Variants in PEX7 observed in about 807,000 individuals in gnomAD.
The protein encoded by PEX7 is PTS2 receptor.
Under a neutral mutation model 47.5 loss-of-function variants are expected in PEX7, and 34 were observed. The ratio of observed to expected loss-of-function variants is 0.72; its 90% CI spans 0.54 to 0.95. PEX7 has a LOEUF of 0.95. Among genes scored for constraint, PEX7 ranks in the 40% least tolerant of loss-of-function variants. PEX7 has a pLI of 0.00. For synonymous variants in PEX7, 141 were observed against 148.8 expected (o/e 0.95, Z 0.38); for missense variants, 394 against 400.3 (o/e 0.98, Z 0.13).
At chr6:136,837,095 T>G (rs1774399532) in intron 3 of PEX7, among the ~76,000 whole-genome samples, 1 of 152,106 alleles carries the variant, frequency 6.6e-6, no homozygotes, top group Non-Finnish European at 1.5e-5. Flanking sequence ...TTAGCCGCGC[T>G]TACGCCTGTA....
intron 3 of PEX7, among the ~76,000 whole-genome samples, chr6:136,829,223 A>G (rs1337272141): frequency 1.3e-5 from 2 of 152,246 alleles, no homozygotes; most frequent in Non-Finnish European, 2.9e-5. Flanking sequence ...CTGCTGTAAC[A>G]AAGTATTATA....
At chr6:136,882,579 C>T (rs1775396278) in intron 8 of PEX7, among the ~76,000 whole-genome samples, 1 of 151,800 alleles carries the variant, frequency 6.6e-6, no homozygotes. Flanking sequence ...TTGTGGGACT[C>T]AAGCACAAAT....
chr6:136,869,910 G>T lies in PEX7; in HGVS notation c.654G>T (p.Ala218=), dbSNP rs1414537422. The change falls in exon 7 of 10, where the codon GCG becomes GCT. Residue 218 remains alanine (A), a synonymous_variant. Coordinates refer to ENST00000318471, the MANE Select transcript of PEX7 (RefSeq NM_000288.4). ...KYNENLLVTG[A]VDCSLRGWDL... Reference sequence around the variant, plus strand: ...TTTAGAATTTGCTGGTGACCGGGGCGGTTGACTGTAGTTTGAGAGGCTGGG... The same window carrying T: ...TTTAGAATTTGCTGGTGACCGGGGCTGTTGACTGTAGTTTGAGAGGCTGGG... The T allele has an allele frequency of 2.5e-6, 4 of 1,613,910 alleles. No homozygotes were observed. Among genetic ancestry groups the T allele is most frequent in the Non-Finnish European group, 3.4e-6 (4 of 1,179,852 alleles).
intron 8 of PEX7, among the ~76,000 whole-genome samples, chr6:136,877,382 C>T (rs1252256739): frequency 1.3e-5 from 2 of 152,152 alleles, no homozygotes; most frequent in African/African-American, 4.8e-5. Context: ...GTCATGAAGT[C>T]TTTGCCCATG....
At chr6:136,857,630 T>A (rs1407359020) in intron 5 of PEX7, among the ~76,000 whole-genome samples, 4 of 152,194 alleles carry the variant, frequency 2.6e-5, no homozygotes, top group Non-Finnish European at 5.9e-5. Context: ...CTGCTTCAGA[T>A]CAAGTTCTAC....
intron 3 of PEX7, among the ~76,000 whole-genome samples, chr6:136,838,192 G>A (rs1012089999): frequency 6.6e-6 from 1 of 152,200 alleles, no homozygotes; most frequent in South Asian, 2.1e-4. Context: ...AACAATCTTA[G>A]GATCACTAAA....
Position 136,822,775 on chromosome 6 carries a change from C to T in PEX7, c.110C>T (p.Ala37Val). 6.9e-7 allele frequency: 1 copy of T among 1,440,972 alleles called. No homozygotes were observed. The highest frequency in any genetic ancestry group is 9.1e-7 in the Non-Finnish European group (1 of 1,102,728). 89.3% of individuals were successfully genotyped at this position (1,440,972 alleles called of 1,614,324 possible). A position where few individuals can be genotyped will look rare whatever the true frequency, so the allele number is the denominator to read the frequency against. Reference protein sequence around the residue: ...YLPGRLACATAQHYGIAGCGT... With the variant: ...YLPGRLACATVQHYGIAGCGT... ...CCGGGCCGCCTGGCCTGCGCCACCGCGCAGCACTACGGCATCGCGGGTGAG... is the reference window on the plus strand; with the variant it reads ...CCGGGCCGCCTGGCCTGCGCCACCGTGCAGCACTACGGCATCGCGGGTGAG... Residue 37 changes from alanine to valine, a missense_variant, in exon 1 of 10, where the codon GCG becomes GTG. Transcript: ENST00000318471.
At chr6:136,833,414 A>G (rs1220745916) in intron 3 of PEX7, among the ~76,000 whole-genome samples, 1 of 152,220 alleles carries the variant, frequency 6.6e-6, no homozygotes, top group Non-Finnish European at 1.5e-5. Flanking sequence ...AAAAATATTA[A>G]TGCAGAATGA....
chr6:136,898,271 T>G (rs1180945362), intron 9 of PEX7, 30 bp downstream of exon 9: 2 of 1,314,304 alleles, frequency 1.5e-6, no homozygotes, highest in Admixed American at 1.7e-5. Context: ...GATATTCTCT[T>G]CTGCCCAAGT....
rs759938254 is a variant in PEX7, at chr6:136,898,161, C to T, written c.823C>T (p.Pro275Ser). 2 of 1,609,762 alleles carry T rather than the reference C, an allele frequency of 1.2e-6. No homozygotes were observed. Among genetic ancestry groups the T allele is most frequent in the Admixed American group, 1.7e-5 (1 of 59,990 alleles). The change falls in exon 9 of 10, where the codon CCT becomes TCT. Residue 275 changes from proline to serine, a missense_variant. Transcript: ENST00000318471. ...FTVRFWNFSKPDSLLETVEHH... is the reference protein window; with the variant it reads ...FTVRFWNFSKSDSLLETVEHH... ...TCACAGATTCTGGAACTTTTCAAAG[C>T]CTGACTCTCTTCTTGAAACAGTGGA...
At position 136,900,716 on chromosome 6, in the gene PEX7, CCTT is replaced by C. The variant is rs1047463911; in HGVS notation, c.903+2484_903+2486del. 21 of 344,132 alleles carry C rather than the reference CCTT, an allele frequency of 6.1e-5. No homozygotes were observed. The highest frequency in any genetic ancestry group is 9.5e-5 in the South Asian group (4 of 42,080). 21.3% of individuals were successfully genotyped at this position (344,132 alleles called of 1,614,324 possible). A position where few individuals can be genotyped will look rare whatever the true frequency, so the allele number is the denominator to read the frequency against. ...TCATGTGCAGTCACCGCCAGCTGAG[CCTT>C]CTTCTTCTCCACCAAGGTGGTGACG... is the stretch of plus-strand genomic sequence containing the variant. On this transcript the variant is annotated intron_variant, in intron 9 of 9. Transcript: ENST00000318471. The surrounding 1 kb of genome is among the most constrained non-coding windows in gnomAD (Gnocchi z 4.2).
intron 9 of PEX7, among the ~76,000 whole-genome samples, chr6:136,903,059 ATC>A (rs1430735428): frequency 1.3e-5 from 2 of 152,166 alleles, no homozygotes; most frequent in African/African-American, 2.4e-5. Flanking sequence ...TCTTTTAAAA[ATC>A]TCTGTTTTAC....
In PEX7 at chr6:136,827,504, TTGTGTGTGTGTGTGTGTGTGTGTG is replaced by T. The variant is rs5880309; in HGVS notation, c.339+1057_339+1080del. ...ATACTTTTGTGGAACCTGTGTGAAT[TTGTGTGTGTGTGTGTGTGTGTGTG>T]TGTGTGTGTGTGTGTGTGTGTCAGG... On this transcript the variant is annotated intron_variant, in intron 3 of 9. Coordinates refer to ENST00000318471, the MANE Select transcript of PEX7 (RefSeq NM_000288.4). Among the ~76,000 whole-genome samples, 12 of 141,028 alleles carry T rather than the reference TTGTGTGTGTGTGTGTGTGTGTGTG, an allele frequency of 8.5e-5. No individual in the cohort carries two copies. The East Asian group carries it at 2.6e-3, about 30-fold the overall frequency. 92.5% of individuals were successfully genotyped at this position (141,028 alleles called of 152,430 possible).
chr6:136,887,257 A>G (rs979601329), intron 8 of PEX7, among the ~76,000 whole-genome samples: 2 of 152,114 alleles, frequency 1.3e-5, no homozygotes, highest in African/African-American at 4.8e-5. Flanking sequence ...ATTTAATTGT[A>G]TATTACTTAA....
intron 8 of PEX7, among the ~76,000 whole-genome samples, chr6:136,874,400 A>C (rs116347285): frequency 6.6e-6 from 1 of 152,178 alleles, no homozygotes; most frequent in Non-Finnish European, 1.5e-5. Flanking sequence ...GGGTGGACAC[A>C]GTGGCTCATG....
In PEX7 at chr6:136,845,624, G is replaced by A; in HGVS notation, c.349G>A (p.Val117Ile). Residue 117 changes from valine (V) to isoleucine (I), a missense_variant, in exon 4 of 10, where the codon GTT (valine) becomes ATT (isoleucine). Coordinates refer to ENST00000318471, the MANE Select transcript of PEX7 (RefSeq NM_000288.4). ...YKEHAQEVYS[V>I]DWSQTRGEQL... is the part of the protein sequence containing the mutation. Reference sequence around the variant, plus strand: ...TTTTCAATGTTTTTAGGTGTATAGTGTTGATTGGAGCCAAACCAGAGGTGA... The same window carrying A: ...TTTTCAATGTTTTTAGGTGTATAGTATTGATTGGAGCCAAACCAGAGGTGA... 1.2e-6 allele frequency: 2 copies of A among 1,602,882 alleles called. No homozygotes were observed. The highest frequency in any genetic ancestry group is 2.2e-5 in the East Asian group (1 of 44,798).
intron 9 of PEX7, among the ~76,000 whole-genome samples, chr6:136,898,872 A>G (rs1163803103): frequency 1.3e-5 from 2 of 152,048 alleles, no homozygotes; most frequent in Non-Finnish European, 2.9e-5. Context: ...ACACTACAAT[A>G]TGTTGAGTGA....
intron 3 of PEX7, chr6:136,830,261 T>G (rs1225847770): frequency 2.1e-6 from 1 of 480,168 alleles, no homozygotes; most frequent in Non-Finnish European, 3.6e-6. Context: ...TGAGCTAGTA[T>G]TATTATTTGC....
At chr6:136,884,840 C>G (rs532567359) in intron 8 of PEX7, among the ~76,000 whole-genome samples, 7 of 152,258 alleles carry the variant, frequency 4.6e-5, no homozygotes, top group African/African-American at 1.7e-4. Flanking sequence ...ACAATATAGT[C>G]TATCAAAATA....
Sources: allele counts gnomAD v4.1 joint callset (sites outside exome capture counted in the v4.1 genomes callset), GRCh38; gene constraint gnomAD v4.1.1; non-coding constraint Gnocchi (gnomAD v3.1); transcripts MANE v1.5; gene names NCBI Gene and HGNC (gene_info 2026-07-23, HGNC 2026-07-21).